The following GNAZ variants were observed in gnomAD, a reference collection of about 807,000 sequenced individuals.
GNAZ encodes the protein guanine nucleotide-binding protein G(z) subunit alpha.
A neutral mutation model predicts 25.4 loss-of-function variants in GNAZ; 3 were observed. The observed-to-expected ratio is 0.12, with a 90% CI of 0.05 to 0.30. The LOEUF (loss-of-function observed/expected upper bound fraction) is 0.30, where lower values mean the gene tolerates loss of function less well. Ranked by LOEUF, GNAZ falls within the 10% of genes least tolerant of loss-of-function variation. The probability of loss-of-function intolerance (pLI) is 1.00; values close to 1 mark genes in which losing one functional copy is unlikely to be tolerated. For synonymous variants in GNAZ, 211 were observed against 205.7 expected (o/e 1.03, Z -0.22); for missense variants, 241 against 501.8 (o/e 0.48, Z 4.97).
chr22:23,087,309 T>G (rs1276480596), intron 1 of GNAZ, among the ~76,000 whole-genome samples: 1 of 151,960 alleles, frequency 6.6e-6, no homozygotes, highest in Non-Finnish European at 1.5e-5. Flanking sequence ...TCTCCAAAAT[T>G]AAAAAGATTA....
At chr22:23,104,130 A>G (rs551431921) in intron 2 of GNAZ, among the ~76,000 whole-genome samples, 1 of 151,742 alleles carries the variant, frequency 6.6e-6, no homozygotes, top group East Asian at 1.9e-4. Flanking sequence ...GGGACAGTCA[A>G]CAAAGGCAGG....
chr22:23,101,880 G>C (rs739362), intron 2 of GNAZ, among the ~76,000 whole-genome samples: 37,016 of 152,138 alleles, frequency 0.24, 4,770 homozygotes, highest in East Asian at 0.35. Context: ...ATGGCACCTC[G>C]CATGGCAGGC....
chr22:23,099,615 G>A (rs954920465), intron 2 of GNAZ, among the ~76,000 whole-genome samples: 2 of 152,260 alleles, frequency 1.3e-5, no homozygotes, highest in African/African-American at 4.8e-5. Context: ...CAGCCCTCAA[G>A]TCCACAAGGA....
intron 1 of GNAZ, among the ~76,000 whole-genome samples, chr22:23,074,468 G>C (rs1311620121): frequency 6.6e-6 from 1 of 152,212 alleles, no homozygotes. Flanking sequence ...TTCTGGAGAG[G>C]TGGGGAATTA....
intron 1 of GNAZ, among the ~76,000 whole-genome samples, chr22:23,080,865 T>C (rs1323467606): frequency 1.3e-5 from 2 of 152,220 alleles, no homozygotes; most frequent in Non-Finnish European, 2.9e-5. Context: ...CTCACTGGAT[T>C]AATGGGTGCT....
chr22:23,099,431 C>T (rs1304668640), intron 2 of GNAZ, among the ~76,000 whole-genome samples: 1 of 152,260 alleles, frequency 6.6e-6, no homozygotes, highest in Non-Finnish European at 1.5e-5. Context: ...AAGCCCAACA[C>T]CCAGCTGGGG....
chr22:23,095,476 G>T lies in GNAZ; in HGVS notation c.-220G>T. On this transcript the variant is annotated 5_prime_UTR_variant, in exon 2 of 3. The change abolishes the stop of an existing upstream ORF in the 5' untranslated region. Transcript: ENST00000615612. ...CAACTAGGGAGGTGGAGTGTCACTA[G>T]TGGGGAGGGGCGGCCACCGCCCGCT... 1.8e-6 allele frequency: 1 copy of T among 570,538 alleles called. No homozygotes were observed. The highest frequency in any genetic ancestry group is 3.1e-6 in the Non-Finnish European group (1 of 324,108). The allele number at this position is 570,538 out of a possible 1,614,324, so 35.3% of individuals were successfully genotyped here.
chr22:23,098,631 C>T (rs2069195671), intron 2 of GNAZ, among the ~76,000 whole-genome samples: 1 of 152,244 alleles, frequency 6.6e-6, no homozygotes, highest in South Asian at 2.1e-4. Flanking sequence ...AGTGGTTGTT[C>T]ACCAGAAAAG....
intron 2 of GNAZ, among the ~76,000 whole-genome samples, chr22:23,118,754 C>T (rs2069925804): frequency 1.3e-5 from 2 of 152,186 alleles, no homozygotes; most frequent in Admixed American, 1.3e-4. Flanking sequence ...TACCATGGGG[C>T]AGGGCCACAT....
chr22:23,113,399 G>A (rs1377201177), intron 2 of GNAZ, among the ~76,000 whole-genome samples: 1 of 152,200 alleles, frequency 6.6e-6, no homozygotes, highest in East Asian at 1.9e-4. Flanking sequence ...ACCACCTTGA[G>A]CTGTCTCGGA....
At chr22:23,075,503 C>T (rs1049382251) in intron 1 of GNAZ, among the ~76,000 whole-genome samples, 2 of 152,194 alleles carry the variant, frequency 1.3e-5, no homozygotes, top group African/African-American at 4.8e-5. Context: ...GGCTTCTTTG[C>T]GTTCATCTCT....
At chr22:23,115,033 G>A (rs1054172411) in intron 2 of GNAZ, among the ~76,000 whole-genome samples, 4 of 152,176 alleles carry the variant, frequency 2.6e-5, no homozygotes, top group East Asian at 1.9e-4. Flanking sequence ...TTAATGTCAC[G>A]TGCATTTTAT....
chr22:23,080,372 C>G (rs1445729212), intron 1 of GNAZ, among the ~76,000 whole-genome samples: 1 of 151,400 alleles, frequency 6.6e-6, no homozygotes, highest in African/African-American at 2.5e-5. Flanking sequence ...TCTCATCTCC[C>G]CGGTCATCTC....
At chr22:23,085,103 G>A (rs1417027918) in intron 1 of GNAZ, among the ~76,000 whole-genome samples, 1 of 152,186 alleles carries the variant, frequency 6.6e-6, no homozygotes, top group Non-Finnish European at 1.5e-5. Context: ...CAGATAGGTG[G>A]ACATGGTTTC....
At chr22:23,123,015 C>A in intron 2 of GNAZ, 72 bp from the exon 3 acceptor site, 2 of 987,436 alleles carry the variant, frequency 2.0e-6, no homozygotes, top group South Asian at 1.4e-5. Context: ...CTTCCTCTGG[C>A]AGGGCTGCAG....
At position 23,124,381 on chromosome 22, in the gene GNAZ, C is replaced by T. The variant is rs200293734; in HGVS notation, c.*950C>T. ...CTGAGTGTAAAAGTTGTTATCTGGACGATCTGTCTCTCTGCTCCAAAGAAA... is the reference window on the plus strand; with the variant it reads ...CTGAGTGTAAAAGTTGTTATCTGGATGATCTGTCTCTCTGCTCCAAAGAAA... On this transcript the variant is annotated 3_prime_UTR_variant, in exon 3 of 3. Coordinates refer to ENST00000615612, the MANE Select transcript of GNAZ (RefSeq NM_002073.4). The T allele has an allele frequency of 1.3e-5, 6 of 467,822 alleles. No individual in the cohort carries two copies. The highest frequency in any genetic ancestry group is 1.4e-4 in the East Asian group (2 of 14,308). 29.0% of individuals were successfully genotyped at this position (467,822 alleles called of 1,614,324 possible).
chr22:23,123,675 A>C lies in GNAZ; in HGVS notation c.*244A>C. 5.7e-6 allele frequency: 3 copies of C among 530,014 alleles called. No homozygotes were observed. Among genetic ancestry groups the C allele is most frequent in the Non-Finnish European group, 6.8e-6 (2 of 294,650 alleles). The allele number at this position is 530,014 out of a possible 1,614,324, so 32.8% of individuals were successfully genotyped here. ...TCTGGAGATGGCAAAATCCTCTAAA[A>C]TGTCGAGGTCTCTTGAAGACTTGAG... On this transcript the variant is annotated 3_prime_UTR_variant, in exon 3 of 3. Coordinates refer to ENST00000615612, the MANE Select transcript of GNAZ (RefSeq NM_002073.4).
intron 2 of GNAZ, 39 bp downstream of exon 2, chr22:23,096,457 T>C (rs745928010): frequency 1.3e-6 from 2 of 1,560,964 alleles, no homozygotes; most frequent in South Asian, 2.4e-5. Context: ...TTGTTCCTGC[T>C]GTCGTGGGTT....
intron 1 of GNAZ, among the ~76,000 whole-genome samples, chr22:23,088,267 C>T (rs1253379521): frequency 2.0e-5 from 3 of 152,214 alleles, no homozygotes; most frequent in South Asian, 2.1e-4. Flanking sequence ...CAGTGCGTTT[C>T]CTCCTGCTGG....
Sources: gnomAD v4.1 joint callset for allele counts (sites outside exome capture counted in the v4.1 genomes callset) on GRCh38, gnomAD v4.1.1 for gene constraint, MANE v1.5 for transcripts, NCBI Gene and HGNC (gene_info 2026-07-23, HGNC 2026-07-21) for gene names.